Variants in ASPHD2 observed in about 807,000 individuals in gnomAD.
ASPHD2 encodes aspartate beta-hydroxylase domain containing 2, also known as aspartate beta-hydroxylase domain-containing protein 2.
ASPHD2 carries 12 observed loss-of-function variants against 34.6 expected under a neutral mutation model. The observed-to-expected ratio is 0.35, with a 90% CI of 0.22 to 0.56. The LOEUF (loss-of-function observed/expected upper bound fraction) is 0.56, where lower values mean the gene tolerates loss of function less well. Ranked by LOEUF, ASPHD2 falls within the 20% of genes least tolerant of loss-of-function variation. The pLI is 0.87. For missense variants in ASPHD2, 375 were observed against 505.0 expected (o/e 0.74, Z 2.47); for synonymous variants, 224 against 212.2 (o/e 1.06, Z -0.48).
chr22:26,430,244 C>G (rs1203482385), intron 1 of ASPHD2, among the ~76,000 whole-genome samples: 1 of 152,226 alleles, frequency 6.6e-6, no homozygotes, highest in Non-Finnish European at 1.5e-5. Flanking sequence ...AGCAGACACT[C>G]TTTGGCATTA....
rs1601698841 is a variant in ASPHD2, at chr22:26,431,269, T to C, written c.-225+1783T>C. 3.3e-5 allele frequency among the ~76,000 whole-genome samples: 5 copies of C among 152,148 alleles called. No individual in the cohort carries two copies. The South Asian group carries it at 1.0e-3, about 31-fold the overall frequency. ...AACAAAACATCTTTCATCTGGATTTTCTTTCCTTTTCCTAAAGAGTAACAG... is the reference window on the plus strand; with the variant it reads ...AACAAAACATCTTTCATCTGGATTTCCTTTCCTTTTCCTAAAGAGTAACAG... On this transcript the variant is annotated intron_variant, in intron 1 of 3. Transcript: ENST00000215906.
In ASPHD2 at chr22:26,434,290, C is replaced by T. The variant is rs182629777; in HGVS notation, c.675C>T (p.Ser225=). The part of the protein sequence containing the change: ...PQGWKMNSTP[S]GEWFTFYLVN... ...GATGGAAAATGAACAGCACCCCCAGCGGGGAGTGGTTCACCTTTTACTTGG... is the reference window on the plus strand; with the variant it reads ...GATGGAAAATGAACAGCACCCCCAGTGGGGAGTGGTTCACCTTTTACTTGG... The change falls in exon 2 of 4, where the codon AGC becomes AGT. Residue 225 remains serine (S), a synonymous_variant. Coordinates refer to ENST00000215906, the MANE Select transcript of ASPHD2 (RefSeq NM_020437.5). 289 of 1,614,172 alleles carry T rather than the reference C, an allele frequency of 1.8e-4. No homozygotes were observed. Among genetic ancestry groups the T allele is most frequent in the East Asian group, 4.5e-4 (20 of 44,882 alleles).
chr22:26,442,863 A>T (rs563015480), intron 3 of ASPHD2, among the ~76,000 whole-genome samples: 1 of 152,232 alleles, frequency 6.6e-6, no homozygotes, highest in African/African-American at 2.4e-5. Context: ...CTGCCGTAAA[A>T]ATTCCCACTT....
Position 26,433,977 on chromosome 22 carries a change from G to A in ASPHD2, c.362G>A (p.Gly121Asp). The change falls in exon 2 of 4, where the codon GGC (glycine) becomes GAC (aspartate). Residue 121 changes from glycine to aspartate, a missense_variant. Gly to Asp is a moderately conservative substitution (Grantham distance 94). Around this residue, in one of 3 missense-constraint regions of ASPHD2, gnomAD observed 223 missense variants for 257.8 expected, o/e 0.87. Coordinates refer to ENST00000215906, the MANE Select transcript of ASPHD2 (RefSeq NM_020437.5). The surrounding 1 kb of genome is among the most constrained non-coding windows in gnomAD (Gnocchi z 5.1). ...PECVRCTHNE[G>D]LNQKLYHNLQ... ...TGCGTGCGCTGCACCCACAACGAGGGCCTCAACCAGAAGCTGTACCACAAC... is the reference window on the plus strand; with the variant it reads ...TGCGTGCGCTGCACCCACAACGAGGACCTCAACCAGAAGCTGTACCACAAC... The A allele has an allele frequency of 6.2e-7, 1 of 1,613,382 alleles. No homozygotes were observed. Among genetic ancestry groups the A allele is most frequent in the Non-Finnish European group, 8.5e-7 (1 of 1,179,930 alleles).
At chr22:26,442,784 A>G (rs2084860588) in intron 3 of ASPHD2, among the ~76,000 whole-genome samples, 1 of 152,130 alleles carries the variant, frequency 6.6e-6, no homozygotes. Context: ...TTGTCCATCC[A>G]TTCTGTGGGT....
chr22:26,441,941 A>C (rs1316941810), intron 2 of ASPHD2, among the ~76,000 whole-genome samples: 1 of 151,430 alleles, frequency 6.6e-6, no homozygotes, highest in Non-Finnish European at 1.5e-5. Flanking sequence ...CAAACAAAAA[A>C]ATTAGCCGGG....
intron 2 of ASPHD2, among the ~76,000 whole-genome samples, chr22:26,439,741 G>A (rs1378685517): frequency 6.6e-6 from 1 of 152,184 alleles, no homozygotes; most frequent in South Asian, 2.1e-4. Context: ...CTCTTTACAG[G>A]TGAGGGTATG....
At chr22:26,441,478 T>TTAAAAAAAAAAAAAAAAAAAAAAAA (rs1555883502) in intron 2 of ASPHD2, among the ~76,000 whole-genome samples, 1 of 95,622 alleles carries the variant, frequency 1.0e-5, no homozygotes, top group Non-Finnish European at 1.9e-5. Flanking sequence ...ACCTTGTATC[T>TTAAAAAAAAAAAAAAAAAAAAAAAA]AAAAAAAAAA....
intron 2 of ASPHD2, among the ~76,000 whole-genome samples, chr22:26,441,225 C>T (rs2084834176): frequency 6.6e-6 from 1 of 152,104 alleles, no homozygotes. Context: ...GCCTGTAATC[C>T]CAACACTTTG....
rs1379659420 is a variant in ASPHD2 at position 26,429,666 on chromosome 22, C to G, written c.-225+180C>G. On this transcript the variant is annotated intron_variant, in intron 1 of 3. Coordinates refer to ENST00000215906, the MANE Select transcript of ASPHD2 (RefSeq NM_020437.5). This position sits in a 1 kb window ranked among gnomAD's most constrained non-coding sequence, Gnocchi z 4.5. ...GGACCCGGGCGCCCGCATCCCGGCC[C>G]GGCCGAGGCCAGTGCTCGTACGTGC... is the stretch of plus-strand genomic sequence containing the variant. 1.3e-5 allele frequency among the ~76,000 whole-genome samples: 2 copies of G among 152,026 alleles called. No individual in the cohort carries two copies. The highest frequency in any genetic ancestry group is 4.8e-5 in the African/African-American group (2 of 41,530).
In ASPHD2 at chr22:26,443,230, G is replaced by T; in HGVS notation, c.*24G>T. 6.2e-7 allele frequency: 1 copy of T among 1,601,122 alleles called. No individual in the cohort carries two copies. ...GAGAGTATTTCCCATGCTGGAGTCG[G>T]CGAGAAGGGCCGAGGCGGGGCCTGG... On this transcript the variant is annotated 3_prime_UTR_variant, in exon 4 of 4. Transcript: ENST00000215906.
Position 26,433,715 on chromosome 22 carries a change from G to A in ASPHD2, c.100G>A (p.Ala34Thr), listed in dbSNP as rs755774175. Residue 34 changes from alanine (A) to threonine (T), a missense_variant, in exon 2 of 4, where the codon GCC (alanine) becomes ACC (threonine). Ala to Thr is a moderately conservative substitution (Grantham distance 58). This residue lies in a region of ASPHD2 where 223 missense variants were observed against 257.8 expected (regional missense o/e 0.87). Coordinates refer to ENST00000215906, the MANE Select transcript of ASPHD2 (RefSeq NM_020437.5). This position sits in a 1 kb window ranked among gnomAD's most constrained non-coding sequence, Gnocchi z 5.1. ...CAAGATGTCGCTCGAGTGGCTGGTG[G>A]CCTGGAGCTGGTCGCTGGATGGCCT... Reference protein sequence around the residue: ...SPKMSLEWLVAWSWSLDGLRD... With the variant: ...SPKMSLEWLVTWSWSLDGLRD... 1.2e-6 allele frequency: 2 copies of A among 1,613,850 alleles called. No individual in the cohort carries two copies. The highest frequency in any genetic ancestry group is 1.7e-5 in the Admixed American group (1 of 60,030).
chr22:26,444,139 C>T lies in ASPHD2; in HGVS notation c.*933C>T, dbSNP rs1199911475. 6.6e-6 allele frequency: 1 copy of T among 151,898 alleles called. No homozygotes were observed. The highest frequency in any genetic ancestry group is 2.4e-5 in the African/African-American group (1 of 41,358). 9.4% of individuals were successfully genotyped at this position (151,898 alleles called of 1,614,324 possible). On this transcript the variant is annotated 3_prime_UTR_variant, in exon 4 of 4. Transcript: ENST00000215906. ...GGGGGATAGGACCGCGCTCACCCAG[C>T]GACATTTGGGGAAAGCCTTTCTCTG...
At chr22:26,438,484 T>C (rs915779186) in intron 2 of ASPHD2, among the ~76,000 whole-genome samples, 37 of 96,650 alleles carry the variant, frequency 3.8e-4, no homozygotes, top group African/African-American at 9.8e-4. Flanking sequence ...TATATACATA[T>C]ATATAGATAC....
chr22:26,434,405 A>T lies in ASPHD2; in HGVS notation c.790A>T (p.Asn264Tyr), dbSNP rs896328520. Reference protein sequence around the residue: ...LGSLRTCIGNNVFGNACISVL... With the variant: ...LGSLRTCIGNYVFGNACISVL... Reference sequence around the variant, plus strand: ...AAGCCTTCGGACCTGTATTGGGAACAATGTTTTTGGGAACGCGTGCATCTC... The same window carrying T: ...AAGCCTTCGGACCTGTATTGGGAACTATGTTTTTGGGAACGCGTGCATCTC... The change falls in exon 2 of 4, where the codon AAT (asparagine) becomes TAT (tyrosine). Residue 264 changes from asparagine to tyrosine, a missense_variant. Asn to Tyr is a moderately radical substitution (Grantham distance 143). This residue lies in a region of ASPHD2 where 142 missense variants were observed against 217.9 expected (regional missense o/e 0.65). Transcript: ENST00000215906. 1.2e-6 allele frequency: 2 copies of T among 1,614,048 alleles called. No homozygotes were observed. The highest frequency in any genetic ancestry group is 1.7e-6 in the Non-Finnish European group (2 of 1,180,026).
At chr22:26,442,124 A>G (rs1208051350) in intron 2 of ASPHD2, among the ~76,000 whole-genome samples, 11 of 142,390 alleles carry the variant, frequency 7.7e-5, no homozygotes, top group Admixed American at 3.5e-4. Context: ...AAAAAAAAAA[A>G]GGGAAAAGAA....
At chr22:26,435,893 T>G (rs1001904368) in intron 2 of ASPHD2, among the ~76,000 whole-genome samples, 1 of 152,188 alleles carries the variant, frequency 6.6e-6, no homozygotes, top group African/African-American at 2.4e-5. Flanking sequence ...AGCAGGTCAC[T>G]GAGTCTCTCT....
chr22:26,442,884 C>CCAT (rs2084862495), intron 3 of ASPHD2, among the ~76,000 whole-genome samples: 1 of 152,148 alleles, frequency 6.6e-6, no homozygotes, highest in African/African-American at 2.4e-5. Context: ...AAAGATCCCT[C>CCAT]CATCTCCCCA....
At chr22:26,435,987 C>T (rs1431064947) in intron 2 of ASPHD2, among the ~76,000 whole-genome samples, 6 of 152,182 alleles carry the variant, frequency 3.9e-5, no homozygotes, top group African/African-American at 1.4e-4. Flanking sequence ...TGGCATCTTA[C>T]ATGGCCCCTT....
Sources: allele counts gnomAD v4.1 joint callset (sites outside exome capture counted in the v4.1 genomes callset), GRCh38; gene constraint gnomAD v4.1.1; regional missense constraint gnomAD v4.1.1; non-coding constraint Gnocchi (gnomAD v3.1); transcripts MANE v1.5; gene names NCBI Gene and HGNC (gene_info 2026-07-23, HGNC 2026-07-21).